The following LUC7L2 variants were observed in gnomAD, a reference collection of about 807,000 sequenced individuals.
LUC7L2 encodes the protein LUC7 like 2, pre-mRNA splicing factor.
A neutral mutation model predicts 52.8 loss-of-function variants in LUC7L2; 25 were observed. The observed-to-expected ratio is 0.47, with a 90% CI of 0.34 to 0.66. The LOEUF is 0.66. Ranked by LOEUF, LUC7L2 falls within the 30% of genes least tolerant of loss-of-function variation. The probability of loss-of-function intolerance (pLI) is 0.01; values close to 1 mark genes in which losing one functional copy is unlikely to be tolerated. For synonymous variants in LUC7L2, 144 were observed against 160.9 expected (o/e 0.89, Z 0.80); for missense variants, 328 against 497.8 (o/e 0.66, Z 3.25).
intron 3 of LUC7L2, among the ~76,000 whole-genome samples, chr7:139,400,148 TTTTATA>T (rs1794842695): frequency 1.3e-5 from 2 of 152,170 alleles, no homozygotes; most frequent in Non-Finnish European, 2.9e-5. Context: ...GCGGGGGTAT[TTTTATA>T]TTTATATCTT....
chr7:139,387,317 C>T (rs1036575711), intron 2 of LUC7L2, among the ~76,000 whole-genome samples: 1 of 151,934 alleles, frequency 6.6e-6, no homozygotes, highest in Non-Finnish European at 1.5e-5. Flanking sequence ...CCTCAGCCTC[C>T]CGAGTAGCTG....
intron 1 of LUC7L2, among the ~76,000 whole-genome samples, chr7:139,367,579 T>C (rs1396710577): frequency 1.3e-5 from 2 of 152,222 alleles, no homozygotes; most frequent in Admixed American, 6.5e-5. Flanking sequence ...GGCAAAATCA[T>C]GTAACACCTA....
intron 1 of LUC7L2, among the ~76,000 whole-genome samples, chr7:139,364,534 C>T (rs921916206): frequency 3.3e-4 from 51 of 152,290 alleles, no homozygotes; most frequent in African/African-American, 1.1e-3. Flanking sequence ...GGATATACTT[C>T]CTCAGTTAAC....
chr7:139,405,625 CTTTTT>C lies in LUC7L2; in HGVS notation c.367-17_367-13del. On this transcript the variant is annotated splice_polypyrimidine_tract_variant and intron_variant, in intron 4 of 9. Coordinates refer to ENST00000354926, the MANE Select transcript of LUC7L2 (RefSeq NM_016019.5). The stretch of plus-strand genomic sequence containing the variant: ...CATTCTCTTGTTTATTCATGATCTT[CTTTTT>C]TATTTCTTTTTAGGCAGAACGTGTT... The C allele has an allele frequency of 6.4e-7, 1 of 1,571,616 alleles. No homozygotes were observed. The highest frequency in any genetic ancestry group is 1.2e-5 in the South Asian group (1 of 83,504).
chr7:139,413,108 C>A (rs1795441498), intron 8 of LUC7L2, among the ~76,000 whole-genome samples: 1 of 152,166 alleles, frequency 6.6e-6, no homozygotes, highest in Non-Finnish European at 1.5e-5. Flanking sequence ...TCACAGAAGG[C>A]TTTCAGAGAG....
At chr7:139,349,027 G>C (rs150912392) in intron 1 of LUC7L2, among the ~76,000 whole-genome samples, 1 of 117,298 alleles carries the variant, frequency 8.5e-6, no homozygotes, top group Non-Finnish European at 1.7e-5. Context: ...CCAGACACAC[G>C]CAAGTAATCC....
At chr7:139,375,855 A>G (rs1800679240) in intron 1 of LUC7L2, 5 of 466,614 alleles carry the variant, frequency 1.1e-5, no homozygotes, top group South Asian at 4.5e-5. Flanking sequence ...CACTTTGACT[A>G]TTTGAATTAT....
intron 1 of LUC7L2, chr7:139,341,288 A>G (rs977118082): frequency 2.0e-6 from 3 of 1,503,294 alleles, no homozygotes; most frequent in Non-Finnish European, 2.7e-6. Context: ...GGGAGTCGGT[A>G]GTCTGTCCGA....
chr7:139,343,490 C>T (rs180834114), intron 1 of LUC7L2, among the ~76,000 whole-genome samples: 2 of 152,258 alleles, frequency 1.3e-5, no homozygotes, highest in East Asian at 3.9e-4. Flanking sequence ...GTGAGAGGAT[C>T]ACTTGAGCCC....
At chr7:139,378,461 C>T (rs1800829033) in intron 2 of LUC7L2, among the ~76,000 whole-genome samples, 2 of 151,992 alleles carry the variant, frequency 1.3e-5, no homozygotes, top group African/African-American at 4.8e-5. Context: ...GAAGTCCTAA[C>T]TGCCTGGGAG....
At chr7:139,403,947 C>T (rs1461522324) in intron 4 of LUC7L2, among the ~76,000 whole-genome samples, 3 of 152,178 alleles carry the variant, frequency 2.0e-5, no homozygotes, top group African/African-American at 7.2e-5. Context: ...AAAGCAAGTT[C>T]ATGGCCAAAT....
intron 2 of LUC7L2, among the ~76,000 whole-genome samples, chr7:139,398,230 A>C (rs1794743588): frequency 6.6e-6 from 1 of 152,162 alleles, no homozygotes. Flanking sequence ...TTGACATCTC[A>C]ACAATTTGAT....
At chr7:139,415,202 A>G (rs1004473409) in intron 8 of LUC7L2, among the ~76,000 whole-genome samples, 5 of 150,232 alleles carry the variant, frequency 3.3e-5, no homozygotes, top group Admixed American at 2.0e-4. Context: ...ATGAGTCACC[A>G]TGTCCAGCAA....
intron 1 of LUC7L2, among the ~76,000 whole-genome samples, chr7:139,367,818 G>C (rs1265024568): frequency 6.6e-6 from 1 of 152,152 alleles, no homozygotes; most frequent in African/African-American, 2.4e-5. Context: ...CTCTCCGTTA[G>C]TGCTTTGGTC....
At chr7:139,374,471 C>T (rs749401623) in intron 1 of LUC7L2, 4 of 1,550,644 alleles carry the variant, frequency 2.6e-6, no homozygotes, top group Non-Finnish European at 2.6e-6. Flanking sequence ...TTCGCCAAGC[C>T]GTGAGTTATC....
chr7:139,422,731 T>G lies in LUC7L2; in HGVS notation c.*391T>G, dbSNP rs189437456. ...TCTTTTTAATTATTCTTCCTCTGACTTTGTATCCCTTAATACCTACACTCT... is the reference window on the plus strand; with the variant it reads ...TCTTTTTAATTATTCTTCCTCTGACGTTGTATCCCTTAATACCTACACTCT... On this transcript the variant is annotated 3_prime_UTR_variant, in exon 10 of 10. Coordinates refer to ENST00000354926, the MANE Select transcript of LUC7L2 (RefSeq NM_016019.5). 4.2e-4 allele frequency: 170 copies of G among 405,068 alleles called. 2 individuals are homozygous for G. The highest frequency in any genetic ancestry group is 1.1e-3 in the Admixed American group (26 of 24,024). 25.1% of individuals were successfully genotyped at this position (405,068 alleles called of 1,614,324 possible).
intron 1 of LUC7L2, among the ~76,000 whole-genome samples, chr7:139,366,410 T>C (rs1447265640): frequency 6.6e-6 from 1 of 152,242 alleles, no homozygotes; most frequent in Non-Finnish European, 1.5e-5. Context: ...GTATCTATAA[T>C]ATACCTGGCT....
intron 2 of LUC7L2, among the ~76,000 whole-genome samples, chr7:139,377,825 CTTT>C (rs11346680): frequency 1.7e-4 from 17 of 98,304 alleles, no homozygotes; most frequent in African/African-American, 4.4e-4. Flanking sequence ...CCGCGCCTGG[CTTT>C]TTTTTTTTTT....
At chr7:139,403,217 C>T (rs1273118771) in intron 4 of LUC7L2, among the ~76,000 whole-genome samples, 1 of 152,174 alleles carries the variant, frequency 6.6e-6, no homozygotes, top group Admixed American at 6.5e-5. Flanking sequence ...CACAGTAATA[C>T]ATACATAAAG....
Sources: allele counts gnomAD v4.1 joint callset (sites outside exome capture counted in the v4.1 genomes callset), GRCh38; gene constraint gnomAD v4.1.1; transcripts MANE v1.5; gene names NCBI Gene and HGNC (gene_info 2026-07-23, HGNC 2026-07-21).